NR1H4: variants seen among roughly 807,000 people sequenced by gnomAD.
The protein encoded by NR1H4 is bile acid receptor.
In NR1H4, 23 loss-of-function variants were observed where a neutral mutation model predicts 58.5. That is an observed-to-expected ratio of 0.39 (90% CI 0.28 to 0.56). NR1H4 has a LOEUF of 0.56. NR1H4 is among the 20% of genes least tolerant of loss of function. NR1H4 has a pLI of 0.58. For missense variants in NR1H4, 487 were observed against 576.9 expected, an observed-to-expected ratio of 0.84 and a Z score of 1.60; for synonymous variants, 214 against 198.0, an observed-to-expected ratio of 1.08 and a Z score of -0.68.
At chr12:100,533,363 G>C (rs1447231224) in intron 5 of NR1H4, among the ~76,000 whole-genome samples, 1 of 152,142 alleles carries the variant, frequency 6.6e-6, no homozygotes, top group African/African-American at 2.4e-5. Flanking sequence ...ATTCAGGCAG[G>C]GAATGCCAAA....
intron 3 of NR1H4, among the ~76,000 whole-genome samples, chr12:100,501,163 C>T (rs1003522006): frequency 2.0e-5 from 3 of 151,262 alleles, no homozygotes; most frequent in Non-Finnish European, 4.4e-5. Flanking sequence ...TGAGGGCAAC[C>T]GACAGGTCCA....
intron 3 of NR1H4, among the ~76,000 whole-genome samples, chr12:100,501,640 A>G (rs1953836643): frequency 6.6e-6 from 1 of 152,216 alleles, no homozygotes; most frequent in South Asian, 2.1e-4. Flanking sequence ...GAGATAATGC[A>G]TATGGAACCG....
At chr12:100,551,242 G>T (rs2136290255) in intron 9 of NR1H4, among the ~76,000 whole-genome samples, 1 of 152,340 alleles carries the variant, frequency 6.6e-6, no homozygotes, top group African/African-American at 2.4e-5. Context: ...TGAAGTCAGA[G>T]AAAGGAGATA....
chr12:100,496,908 C>T (rs1443551531), intron 3 of NR1H4, among the ~76,000 whole-genome samples: 2 of 152,178 alleles, frequency 1.3e-5, no homozygotes, highest in African/African-American at 4.8e-5. Context: ...GCCCCTTACT[C>T]TTCAAAGGCT....
chr12:100,493,241 C>T, intron 2 of NR1H4, 29 bp from the exon 3 acceptor site: 1 of 751,078 alleles, frequency 1.3e-6, no homozygotes, highest in South Asian at 1.5e-5. Flanking sequence ...CGCATTCCCA[C>T]AGTCACAAAC....
intron 9 of NR1H4, among the ~76,000 whole-genome samples, chr12:100,546,505 C>G (rs1465320061): frequency 6.6e-6 from 1 of 151,942 alleles, no homozygotes; most frequent in African/African-American, 2.4e-5. Context: ...ACCAGCTTGG[C>G]CAACATAGTG....
At position 100,559,567 on chromosome 12, in the gene NR1H4, A is replaced by G. The variant is rs1377770421; in HGVS notation, c.1079-2318A>G. Among the ~76,000 whole-genome samples, 4 of 152,136 alleles carry G rather than the reference A, an allele frequency of 2.6e-5. No homozygotes were observed. In the East Asian group the frequency reaches 5.8e-4, roughly 22 times the overall value. ...GTGTACTGGGTCCCCCAGCAGTGCC[A>G]GCCCACCGGCGCTGCGCTGGATTTC... On this transcript the variant is annotated intron_variant, in intron 9 of 10. Transcript: ENST00000392986.
chr12:100,510,607 T>TTATATATATATATATATATATATA (rs34480475), intron 3 of NR1H4, among the ~76,000 whole-genome samples, 171 bp from the exon 4 acceptor site: 9 of 133,680 alleles, frequency 6.7e-5, no homozygotes, highest in East Asian at 2.4e-4. Context: ...TCATTTAATT[T>TTATATATATATATATATATATATA]TATATATATA....
intron 3 of NR1H4, among the ~76,000 whole-genome samples, chr12:100,493,868 T>G (rs976650222): frequency 1.3e-5 from 2 of 152,216 alleles, no homozygotes; most frequent in African/African-American, 2.4e-5. Context: ...ATTAGTCATT[T>G]AAGCAGGATT....
intron 9 of NR1H4, 73 bp from the exon 10 acceptor site, chr12:100,561,812 G>A (rs1955481447): frequency 6.7e-6 from 5 of 751,548 alleles, no homozygotes. Context: ...GTGTTTATAT[G>A]TATAATGTGT....
chr12:100,544,796 A>C (rs1022449801), intron 9 of NR1H4, among the ~76,000 whole-genome samples: 1 of 152,178 alleles, frequency 6.6e-6, no homozygotes. Context: ...GTCCAAAGCT[A>C]ACAAGTAACC....
chr12:100,480,119 A>G (rs768645637), intron 1 of NR1H4, among the ~76,000 whole-genome samples: 1 of 152,216 alleles, frequency 6.6e-6, no homozygotes, highest in Non-Finnish European at 1.5e-5. Flanking sequence ...GAAACTTGGT[A>G]TGTAGTAGAG....
intron 3 of NR1H4, among the ~76,000 whole-genome samples, chr12:100,499,600 C>T (rs1342691719): frequency 6.6e-6 from 1 of 152,182 alleles, no homozygotes; most frequent in Non-Finnish European, 1.5e-5. Context: ...AAAAGGTGTG[C>T]AATGAGTCAG....
At position 100,529,643 on chromosome 12, in the gene NR1H4, G is replaced by A. The variant is rs533528040; in HGVS notation, c.446-2815G>A. On this transcript the variant is annotated intron_variant, in intron 4 of 10. Coordinates refer to ENST00000392986, the MANE Select transcript of NR1H4 (RefSeq NM_001206979.2). ...ACACCCTGTGTTTGCTCATTTTTCCGAATGTCTTTCCTCCCTCATGGTCCA... is the reference window on the plus strand; with the variant it reads ...ACACCCTGTGTTTGCTCATTTTTCCAAATGTCTTTCCTCCCTCATGGTCCA... 4.6e-5 allele frequency among the ~76,000 whole-genome samples: 7 copies of A among 151,622 alleles called. No individual in the cohort carries two copies. In the South Asian group the frequency reaches 1.2e-3, roughly 27 times the overall value.
intron 4 of NR1H4, among the ~76,000 whole-genome samples, chr12:100,511,531 A>G (rs1566445704): frequency 6.6e-6 from 1 of 152,256 alleles, no homozygotes; most frequent in Non-Finnish European, 1.5e-5. Context: ...AGAAGAATAC[A>G]ACTTTATTCA....
At chr12:100,485,301 A>G (rs1194247591) in intron 1 of NR1H4, among the ~76,000 whole-genome samples, 1 of 152,222 alleles carries the variant, frequency 6.6e-6, no homozygotes, top group African/African-American at 2.4e-5. Flanking sequence ...GAAAGGAGCC[A>G]TAGAGAGCAA....
chr12:100,518,168 G>A (rs1457577875), intron 4 of NR1H4, among the ~76,000 whole-genome samples: 3 of 152,172 alleles, frequency 2.0e-5, no homozygotes, highest in Admixed American at 6.5e-5. Context: ...GTGAAACTTG[G>A]TCCACCTGCG....
intron 1 of NR1H4, among the ~76,000 whole-genome samples, chr12:100,477,611 C>T (rs1953298176): frequency 6.6e-6 from 1 of 152,112 alleles, no homozygotes; most frequent in Non-Finnish European, 1.5e-5. Flanking sequence ...TGTAGTTGTG[C>T]ATGGAGAAGA....
chr12:100,476,838 G>T (rs1423407178), intron 1 of NR1H4, among the ~76,000 whole-genome samples: 4 of 152,120 alleles, frequency 2.6e-5, no homozygotes, highest in Non-Finnish European at 5.9e-5. Context: ...AGTGAGCTAT[G>T]ATAATGCCAC....
Sources: gnomAD v4.1 joint callset for allele counts (sites outside exome capture counted in the v4.1 genomes callset) on GRCh38, gnomAD v4.1.1 for gene constraint, MANE v1.5 for transcripts, NCBI Gene and HGNC (gene_info 2026-07-23, HGNC 2026-07-21) for gene names.